CNTNAP2: variants seen among roughly 807,000 people sequenced by gnomAD.
CNTNAP2 encodes the protein contactin associated protein 2, also known as contactin-associated protein-like 2.
In CNTNAP2, 98 loss-of-function variants were observed where a neutral mutation model predicts 155.2. That is an observed-to-expected ratio of 0.63 (90% CI 0.54 to 0.75). The LOEUF (loss-of-function observed/expected upper bound fraction) is 0.75. CNTNAP2 is among the 30% of genes least tolerant of loss of function. The probability of loss-of-function intolerance (pLI) is 0.00; values close to 1 mark genes in which losing one functional copy is unlikely to be tolerated. For missense variants in CNTNAP2, 1,727 were observed against 1,688.1 expected, an observed-to-expected ratio of 1.02 and a Z score of -0.40; for synonymous variants, 651 against 631.2, an observed-to-expected ratio of 1.03 and a Z score of -0.47.
intron 18 of CNTNAP2, among the ~76,000 whole-genome samples, chr7:148,199,473 T>C (rs1014383145): frequency 1.3e-5 from 2 of 152,180 alleles, no homozygotes; most frequent in African/African-American, 4.8e-5. Context: ...ACTGTAGACA[T>C]CCTGTTGTTA....
intron 12 of CNTNAP2, among the ~76,000 whole-genome samples, chr7:147,576,802 CG>C (rs1800403608): frequency 1.6e-5 from 2 of 127,406 alleles, no homozygotes; most frequent in South Asian, 2.5e-4. Context: ...GCAACTTATA[CG>C]TTTGGGGTAG....
At chr7:147,038,145 G>A (rs996413342) in intron 3 of CNTNAP2, among the ~76,000 whole-genome samples, 2 of 152,134 alleles carry the variant, frequency 1.3e-5, no homozygotes, top group African/African-American at 2.4e-5. Context: ...GATAGAGCCA[G>A]ACCCTGTCTC....
intron 1 of CNTNAP2, among the ~76,000 whole-genome samples, chr7:146,195,666 G>C (rs1419629829): frequency 1.3e-5 from 2 of 152,130 alleles, no homozygotes; most frequent in Non-Finnish European, 2.9e-5. Context: ...ATTGGTGTCA[G>C]GATTCTTGGA....
At chr7:147,226,684 A>C (rs1184900790) in intron 8 of CNTNAP2, among the ~76,000 whole-genome samples, 2 of 152,184 alleles carry the variant, frequency 1.3e-5, no homozygotes, top group African/African-American at 4.8e-5. Flanking sequence ...AACCTATCCC[A>C]CTACATAGCT....
rs947464071 is a variant in CNTNAP2 at position 147,390,958 on chromosome 7, C to T, written c.1499-4651C>T. ...TCTAAAAGCCATCCAAAGTCTCATT[C>T]CACTAGGCCATCTGCTCAAATTCCA... On this transcript the variant is annotated intron_variant, in intron 9 of 23. Coordinates refer to ENST00000361727, the MANE Select transcript of CNTNAP2 (RefSeq NM_014141.6). Among the ~76,000 whole-genome samples the T allele has an allele frequency of 2.6e-5, 4 of 152,044 alleles. 1 individual carries two copies. In the East Asian group the frequency reaches 7.7e-4, roughly 29 times the overall value.
At chr7:147,078,333 A>G (rs1034648630) in intron 4 of CNTNAP2, among the ~76,000 whole-genome samples, 2 of 152,200 alleles carry the variant, frequency 1.3e-5, no homozygotes, top group African/African-American at 2.4e-5. Flanking sequence ...AACAAATTCA[A>G]TACTTTTTTT....
chr7:147,277,868 T>C (rs1341441249), intron 8 of CNTNAP2, among the ~76,000 whole-genome samples: 1 of 151,712 alleles, frequency 6.6e-6, no homozygotes, highest in Non-Finnish European at 1.5e-5. Flanking sequence ...TAAAAGATAA[T>C]AGTAAATGAA....
chr7:146,445,934 G>C (rs1584929237), intron 1 of CNTNAP2, among the ~76,000 whole-genome samples: 1 of 152,234 alleles, frequency 6.6e-6, no homozygotes, highest in South Asian at 2.1e-4. Flanking sequence ...ACCCTAAGAA[G>C]ATATATTCCC....
At chr7:147,967,443 C>A (rs1312800177) in intron 14 of CNTNAP2, among the ~76,000 whole-genome samples, 1 of 152,062 alleles carries the variant, frequency 6.6e-6, no homozygotes, top group African/African-American at 2.4e-5. Flanking sequence ...TATTCCTAGT[C>A]TATTACCTCT....
chr7:146,435,506 C>T (rs760088754), intron 1 of CNTNAP2, among the ~76,000 whole-genome samples: 1 of 152,168 alleles, frequency 6.6e-6, no homozygotes, highest in Non-Finnish European at 1.5e-5. Flanking sequence ...GACTTGACAT[C>T]TAATTTTACA....
intron 13 of CNTNAP2, among the ~76,000 whole-genome samples, chr7:147,883,544 A>G (rs866237576): frequency 2.6e-5 from 4 of 152,232 alleles, no homozygotes; most frequent in South Asian, 2.1e-4. Context: ...AGATGGTTAT[A>G]TAAGTGGCAT....
Position 147,553,646 on chromosome 7 carries a change from T to C in CNTNAP2, c.1778-8492T>C, listed in dbSNP as rs371747278. Reference sequence around the variant, plus strand: ...ACTTTTTTCTTCCTAGGGCAAGGTATAGTGTTAGATACTACTACCACATTA... The same window carrying C: ...ACTTTTTTCTTCCTAGGGCAAGGTACAGTGTTAGATACTACTACCACATTA... On this transcript the variant is annotated intron_variant, in intron 11 of 23. Coordinates refer to ENST00000361727, the MANE Select transcript of CNTNAP2 (RefSeq NM_014141.6). 2.0e-5 allele frequency among the ~76,000 whole-genome samples: 3 copies of C among 152,166 alleles called. No individual in the cohort carries two copies. In the East Asian group the frequency reaches 5.8e-4, roughly 29 times the overall value.
At chr7:147,528,860 T>A (rs1473556350) in intron 11 of CNTNAP2, among the ~76,000 whole-genome samples, 2 of 150,850 alleles carry the variant, frequency 1.3e-5, no homozygotes, top group Non-Finnish European at 3.0e-5. Context: ...AGGAAGTAAG[T>A]AATATCTTTT....
intron 14 of CNTNAP2, among the ~76,000 whole-genome samples, chr7:147,949,961 G>A (rs1800897253): frequency 6.6e-6 from 1 of 152,136 alleles, no homozygotes; most frequent in African/African-American, 2.4e-5. Flanking sequence ...TTTACTTCGG[G>A]CACAAGGCCA....
intron 1 of CNTNAP2, among the ~76,000 whole-genome samples, chr7:146,258,342 A>T (rs1799870434): frequency 1.3e-5 from 2 of 152,214 alleles, no homozygotes; most frequent in Non-Finnish European, 2.9e-5. Context: ...CTCACAGCAC[A>T]TATTATTATA....
At chr7:146,983,390 G>GA (rs982668142) in intron 3 of CNTNAP2, among the ~76,000 whole-genome samples, 29 of 151,714 alleles carry the variant, frequency 1.9e-4, no homozygotes, top group African/African-American at 6.8e-4. Context: ...ATTTGTACTT[G>GA]AAAAAAGGTA....
At chr7:147,790,972 A>G (rs1797810245) in intron 13 of CNTNAP2, among the ~76,000 whole-genome samples, 1 of 152,218 alleles carries the variant, frequency 6.6e-6, no homozygotes, top group South Asian at 2.1e-4. Context: ...ACCAAAGCCT[A>G]CAAGTATTCC....
chr7:147,861,776 G>C (rs1799137008), intron 13 of CNTNAP2, among the ~76,000 whole-genome samples: 1 of 152,106 alleles, frequency 6.6e-6, no homozygotes, highest in Non-Finnish European at 1.5e-5. Flanking sequence ...AGCACTTTGG[G>C]AGGCTGAGGC....
intron 1 of CNTNAP2, among the ~76,000 whole-genome samples, chr7:146,200,426 G>A (rs545711798): frequency 2.6e-5 from 4 of 152,048 alleles, no homozygotes; most frequent in Middle Eastern, 3.4e-3. Context: ...CCCGGAAGGC[G>A]GAGGTTGCAG....
Sources: allele counts gnomAD v4.1 joint callset (sites outside exome capture counted in the v4.1 genomes callset), GRCh38; gene constraint gnomAD v4.1.1; transcripts MANE v1.5; gene names NCBI Gene and HGNC (gene_info 2026-07-23, HGNC 2026-07-21).